VGLL3: variants seen among roughly 807,000 people sequenced by gnomAD.
The protein encoded by VGLL3 is transcription cofactor vestigial-like protein 3.
In VGLL3, 18 loss-of-function variants were observed where a neutral mutation model predicts 29.2. The ratio of observed to expected loss-of-function variants is 0.62; its 90% CI spans 0.43 to 0.91. The LOEUF (loss-of-function observed/expected upper bound fraction) is 0.91. VGLL3 is among the 40% of genes least tolerant of loss of function. The pLI is 0.00. For missense variants in VGLL3, 440 were observed against 413.2 expected (o/e 1.06, Z -0.56); for synonymous variants, 180 against 151.8 (o/e 1.19, Z -1.36).
At chr3:86,990,441 A>G (rs978747911) in intron 1 of VGLL3, 177 bp downstream of exon 1, 28 of 977,772 alleles carry the variant, frequency 2.9e-5, no homozygotes, top group Non-Finnish European at 3.4e-5. Context: ...CCACCCGTCC[A>G]CCCTGCTGCT....
chr3:86,976,493 G>T (rs1705213368), intron 2 of VGLL3, among the ~76,000 whole-genome samples: 1 of 152,172 alleles, frequency 6.6e-6, no homozygotes, highest in African/African-American at 2.4e-5. Context: ...AATGTTTGCT[G>T]AATATGTCAA....
intron 3 of VGLL3, among the ~76,000 whole-genome samples, chr3:86,960,391 T>C (rs957854218): frequency 6.6e-6 from 1 of 152,178 alleles, no homozygotes; most frequent in Admixed American, 6.5e-5. Context: ...GACATTTATC[T>C]ACTCCTGACT....
chr3:86,948,273 G>T (rs1007339372), intron 3 of VGLL3, among the ~76,000 whole-genome samples: 25 of 152,126 alleles, frequency 1.6e-4, no homozygotes, highest in Admixed American at 1.3e-3. Flanking sequence ...ATCTCAAGTT[G>T]TCTGCTTGAC....
chr3:86,961,918 G>A (rs1341591875), intron 3 of VGLL3: 1 of 978,604 alleles, frequency 1.0e-6, no homozygotes, highest in African/African-American at 1.8e-5. Flanking sequence ...AATTTAAAAT[G>A]CTTTTTTACT....
In VGLL3 at chr3:86,938,135, C is replaced by T. The variant is rs1704314825; in HGVS notation, c.*8889G>A. On this transcript the variant is annotated 3_prime_UTR_variant, in exon 4 of 4. Coordinates refer to ENST00000398399, the MANE Select transcript of VGLL3 (RefSeq NM_016206.4). ...AATCTTTGACTTAACGATATTTTCC[C>T]AGACTTACTGAGTTATAATTGACAC... The T allele has an allele frequency of 6.6e-6, 1 of 152,066 alleles. No individual in the cohort carries two copies. The highest frequency in any genetic ancestry group is 2.4e-5 in the African/African-American group (1 of 41,418). The allele number at this position is 152,066 out of a possible 1,614,324, so 9.4% of individuals were successfully genotyped here. A position where few individuals can be genotyped will look rare whatever the true frequency, so the allele number is the denominator to read the frequency against.
chr3:86,939,422 G>A lies in VGLL3; in HGVS notation c.*7602C>T, dbSNP rs918595045. The stretch of plus-strand genomic sequence containing the variant: ...CAGGCAGATCACGAGGTCAGGAGAC[G>A]GAGACCATCCTGGCCAACATGGTGA... On this transcript the variant is annotated 3_prime_UTR_variant, in exon 4 of 4. Coordinates refer to ENST00000398399, the MANE Select transcript of VGLL3 (RefSeq NM_016206.4). The A allele has an allele frequency of 1.3e-5, 2 of 152,246 alleles. No homozygotes were observed. The highest frequency in any genetic ancestry group is 2.9e-5 in the Non-Finnish European group (2 of 68,148). 9.4% of individuals were successfully genotyped at this position (152,246 alleles called of 1,614,324 possible). A position where few individuals can be genotyped will look rare whatever the true frequency, so the allele number is the denominator to read the frequency against.
chr3:86,970,483 GCA>G (rs10694503), intron 2 of VGLL3, among the ~76,000 whole-genome samples: 3,695 of 141,186 alleles, frequency 0.026, 70 homozygotes, highest in East Asian at 0.059. Flanking sequence ...TTACACACAC[GCA>G]CACACACACA....
At position 86,990,548 on chromosome 3, in the gene VGLL3, C is replaced by G. The variant is rs1575885276; in HGVS notation, c.126+70G>C. 1.5e-5 allele frequency: 19 copies of G among 1,306,450 alleles called. No homozygotes were observed. In the Admixed American group the frequency reaches 5.8e-4, roughly 40 times the overall value. 80.9% of individuals were successfully genotyped at this position (1,306,450 alleles called of 1,614,324 possible). A position where few individuals can be genotyped will look rare whatever the true frequency, so the allele number is the denominator to read the frequency against. ...GCCACGCGTGCCGGCGGGACGTCGC[C>G]GAGCCCCAGACCGATACTCTCGATG... is the stretch of plus-strand genomic sequence containing the variant. On this transcript the variant is annotated intron_variant, in intron 1 of 3. Coordinates refer to ENST00000398399, the MANE Select transcript of VGLL3 (RefSeq NM_016206.4).
intron 2 of VGLL3, among the ~76,000 whole-genome samples, chr3:86,971,021 C>T (rs1165960279): frequency 1.3e-5 from 2 of 152,108 alleles, no homozygotes; most frequent in Non-Finnish European, 2.9e-5. Context: ...AGATGTTAGT[C>T]ATGTGAGTTT....
chr3:86,961,896 C>T, intron 3 of VGLL3: 5 of 967,160 alleles, frequency 5.2e-6, no homozygotes, highest in Non-Finnish European at 6.1e-6. Context: ...GAAACAATCT[C>T]CTGCTAAACA....
intron 2 of VGLL3, among the ~76,000 whole-genome samples, chr3:86,971,832 A>G (rs951375121): frequency 7.9e-5 from 12 of 152,148 alleles, no homozygotes; most frequent in Non-Finnish European, 1.5e-4. Flanking sequence ...CTTATTCTAC[A>G]TAGTTCATCC....
chr3:86,960,932 G>GAT (rs57744873), intron 3 of VGLL3, among the ~76,000 whole-genome samples: 5,983 of 137,174 alleles, frequency 0.044, 103 homozygotes, highest in Non-Finnish European at 0.056. Flanking sequence ...AAGTAATTGT[G>GAT]ATATATATAT....
At chr3:86,986,907 T>C (rs1264451776) in intron 1 of VGLL3, among the ~76,000 whole-genome samples, 2 of 152,076 alleles carry the variant, frequency 1.3e-5, no homozygotes, top group Non-Finnish European at 2.9e-5. Flanking sequence ...AAAAGTACAC[T>C]ACCAAGGACT....
chr3:86,970,654 A>G (rs528355337), intron 2 of VGLL3, among the ~76,000 whole-genome samples: 3 of 152,296 alleles, frequency 2.0e-5, no homozygotes, highest in Non-Finnish European at 4.4e-5. Context: ...TGTAAATTCT[A>G]TTCTGAGGTG....
In VGLL3 at chr3:86,990,768, C is replaced by T; in HGVS notation, c.-25G>A. 1 of 1,250,276 alleles carries T rather than the reference C, an allele frequency of 8.0e-7. No homozygotes were observed. Among genetic ancestry groups the T allele is most frequent in the Non-Finnish European group, 1.0e-6 (1 of 993,148 alleles). The allele number at this position is 1,250,276 out of a possible 1,614,324, so 77.4% of individuals were successfully genotyped here. A position where few individuals can be genotyped will look rare whatever the true frequency, so the allele number is the denominator to read the frequency against. On this transcript the variant is annotated 5_prime_UTR_variant, in exon 1 of 4. Coordinates refer to ENST00000398399, the MANE Select transcript of VGLL3 (RefSeq NM_016206.4). ...TGGCAGCCGGGGCAGTGGCGGCCCC[C>T]GAGCTGCCGCCGCCGCTCTACGCGC... is the stretch of plus-strand genomic sequence containing the variant.
intron 3 of VGLL3, among the ~76,000 whole-genome samples, chr3:86,957,831 A>C (rs73134215): frequency 1.1e-4 from 17 of 152,066 alleles, no homozygotes; most frequent in Non-Finnish European, 2.2e-4. Flanking sequence ...TCTCTCTTTC[A>C]ATGCATACAT....
intron 1 of VGLL3, among the ~76,000 whole-genome samples, chr3:86,979,499 A>G (rs1411135809): frequency 6.6e-6 from 1 of 152,178 alleles, no homozygotes; most frequent in African/African-American, 2.4e-5. Context: ...TAGTGGGTTA[A>G]TCTTTCAATT....
At chr3:86,962,023 C>A in intron 3 of VGLL3, 4 of 984,168 alleles carry the variant, frequency 4.1e-6, no homozygotes, top group South Asian at 9.4e-5. Context: ...GATAATAGAT[C>A]TTTTCTTTTT....
chr3:86,978,070 A>G (rs977811098), intron 2 of VGLL3, among the ~76,000 whole-genome samples: 7 of 152,246 alleles, frequency 4.6e-5, no homozygotes, highest in Admixed American at 6.5e-5. Flanking sequence ...AGGATAAAGA[A>G]GCCTATTCAA....
Sources: allele counts gnomAD v4.1 joint callset (sites outside exome capture counted in the v4.1 genomes callset), GRCh38; gene constraint gnomAD v4.1.1; transcripts MANE v1.5; gene names NCBI Gene and HGNC (gene_info 2026-07-23, HGNC 2026-07-21).